RBMS3: variants seen among roughly 807,000 people sequenced by gnomAD.
RBMS3 encodes RNA binding motif single stranded interacting protein 3.
A neutral mutation model predicts 66.8 loss-of-function variants in RBMS3; 27 were observed. The ratio of observed to expected loss-of-function variants is 0.40; its 90% confidence interval spans 0.30 to 0.56. The LOEUF is 0.56. RBMS3 is among the 20% of genes least tolerant of loss of function. RBMS3 has a pLI of 0.40. For missense variants in RBMS3, 513 were observed against 549.5 expected (o/e 0.93, Z 0.66); for synonymous variants, 188 against 183.0 (o/e 1.03, Z -0.22).
intron 4 of RBMS3, among the ~76,000 whole-genome samples, chr3:29,603,488 T>A (rs2048215425): frequency 6.6e-6 from 1 of 151,208 alleles, no homozygotes; most frequent in Non-Finnish European, 1.5e-5. Context: ...CATTTGGCAA[T>A]GTTTGGAGAC....
intron 3 of RBMS3, among the ~76,000 whole-genome samples, chr3:29,548,761 C>A (rs1273299442): frequency 2.0e-5 from 3 of 151,948 alleles, no homozygotes; most frequent in Non-Finnish European, 2.9e-5. Flanking sequence ...ACTCTTCATT[C>A]TGCAACCACT....
At chr3:29,586,449 A>G (rs962602059) in intron 3 of RBMS3, among the ~76,000 whole-genome samples, 6 of 152,146 alleles carry the variant, frequency 3.9e-5, no homozygotes, top group Non-Finnish European at 8.8e-5. Flanking sequence ...CTTATTTTTA[A>G]AAGAAACATG....
intron 1 of RBMS3, among the ~76,000 whole-genome samples, chr3:29,336,983 G>C (rs1242272567): frequency 6.6e-6 from 1 of 152,066 alleles, no homozygotes; most frequent in East Asian, 1.9e-4. Flanking sequence ...TAGCAAATCT[G>C]AAACGGTTTT....
intron 12 of RBMS3, among the ~76,000 whole-genome samples, chr3:29,985,284 A>C (rs1441314042): frequency 1.3e-5 from 2 of 152,148 alleles, no homozygotes; most frequent in Non-Finnish European, 2.9e-5. Context: ...TGGCAGCAAG[A>C]ATTTCATGCC....
At chr3:29,504,192 A>G (rs2044091402) in intron 3 of RBMS3, among the ~76,000 whole-genome samples, 1 of 152,080 alleles carries the variant, frequency 6.6e-6, no homozygotes, top group Admixed American at 6.6e-5. Context: ...TGCCCAGGTC[A>G]CACATATGTC....
At chr3:29,910,802 G>A (rs73831095) in intron 10 of RBMS3, among the ~76,000 whole-genome samples, 3,537 of 151,880 alleles carry the variant, frequency 0.023, 152 homozygotes, top group African/African-American at 0.082. Context: ...GTGTGTGTTT[G>A]TGTATGGCGT....
chr3:29,523,105 A>G (rs990920729), intron 3 of RBMS3, among the ~76,000 whole-genome samples: 1 of 152,164 alleles, frequency 6.6e-6, no homozygotes, highest in African/African-American at 2.4e-5. Flanking sequence ...GCACAGTAAC[A>G]TTTTCTTCAA....
intron 1 of RBMS3, among the ~76,000 whole-genome samples, chr3:29,319,071 A>G (rs533955246): frequency 1.7e-4 from 26 of 152,118 alleles, no homozygotes; most frequent in Non-Finnish European, 3.2e-4. Context: ...AATAGAAGCT[A>G]AGGGATATAA....
At chr3:29,981,293 G>A (rs1228964102) in intron 12 of RBMS3, among the ~76,000 whole-genome samples, 1 of 152,138 alleles carries the variant, frequency 6.6e-6, no homozygotes, top group Non-Finnish European at 1.5e-5. Context: ...TCCTGAGACT[G>A]TGCTGAAGTT....
At chr3:29,546,502 G>A (rs779387604) in intron 3 of RBMS3, among the ~76,000 whole-genome samples, 44 of 152,248 alleles carry the variant, frequency 2.9e-4, no homozygotes, top group Middle Eastern at 3.4e-3. Flanking sequence ...TGTGCTGTAC[G>A]ACTGCTTATA....
chr3:29,916,342 TTTG>T (rs1204655957), intron 10 of RBMS3, among the ~76,000 whole-genome samples: 2 of 152,000 alleles, frequency 1.3e-5, no homozygotes, highest in African/African-American at 4.8e-5. Flanking sequence ...TCTTCTTTAA[TTTG>T]TTAAGTTTAA....
At chr3:29,596,560 A>T (rs547833061) in intron 4 of RBMS3, among the ~76,000 whole-genome samples, 1 of 152,326 alleles carries the variant, frequency 6.6e-6, no homozygotes, top group East Asian at 1.9e-4. Context: ...TATTATTCCA[A>T]TTGTACAGGT....
rs2055235016 is a variant in RBMS3 at position 29,752,675 on chromosome 3, T to C, written c.558-10235T>C. On this transcript the variant is annotated intron_variant, in intron 5 of 14. Coordinates refer to ENST00000383767, the MANE Select transcript of RBMS3 (RefSeq NM_001003793.3). The stretch of plus-strand genomic sequence containing the variant: ...AGCAAATTTTGTATTAATAGCTTTA[T>C]AAGGTTCTCCATTTGCCAGTTTGCA... Among the ~76,000 whole-genome samples the C allele has an allele frequency of 2.0e-5, 3 of 152,210 alleles. No individual in the cohort carries two copies. The South Asian group carries it at 6.2e-4, about 32-fold the overall frequency.
At chr3:29,928,199 T>C (rs554679643) in intron 10 of RBMS3, among the ~76,000 whole-genome samples, 117 of 106,714 alleles carry the variant, frequency 1.1e-3, no homozygotes, top group African/African-American at 4.0e-3. Flanking sequence ...TATATATATA[T>C]ATATATATAT....
chr3:29,840,110 G>T (rs2058625257), intron 6 of RBMS3, among the ~76,000 whole-genome samples: 1 of 151,878 alleles, frequency 6.6e-6, no homozygotes, highest in Non-Finnish European at 1.5e-5. Flanking sequence ...GTAAGGAAAA[G>T]AAAATTAGAT....
intron 3 of RBMS3, among the ~76,000 whole-genome samples, chr3:29,520,670 C>G (rs866030652): frequency 6.4e-4 from 98 of 152,128 alleles, no homozygotes; most frequent in African/African-American, 2.3e-3. Flanking sequence ...CACATATGCA[C>G]TATATACAAA....
chr3:29,700,840 A>T (rs7634119), intron 4 of RBMS3, among the ~76,000 whole-genome samples: 1 of 141,494 alleles, frequency 7.1e-6, no homozygotes. Context: ...GTTAGAGGAC[A>T]CACGAGGGAG....
intron 6 of RBMS3, among the ~76,000 whole-genome samples, chr3:29,853,848 C>T (rs895689867): frequency 3.3e-5 from 5 of 152,060 alleles, no homozygotes; most frequent in African/African-American, 7.2e-5. Context: ...GGGGTCTCCA[C>T]CCCCTGAAAC....
chr3:29,983,538 T>C (rs199595682), intron 12 of RBMS3, among the ~76,000 whole-genome samples: 1 of 152,310 alleles, frequency 6.6e-6, no homozygotes, highest in East Asian at 1.9e-4. Flanking sequence ...GATATATTTT[T>C]GCAGTGGCTG....
Sources: gnomAD v4.1 joint callset for allele counts (sites outside exome capture counted in the v4.1 genomes callset) on GRCh38, gnomAD v4.1.1 for gene constraint, MANE v1.5 for transcripts, NCBI Gene and HGNC (gene_info 2026-07-23, HGNC 2026-07-21) for gene names.